Variants in SPOCK3 observed in about 807,000 individuals in gnomAD.
SPOCK3 encodes the protein SPARC (osteonectin), cwcv and kazal like domains proteoglycan 3.
Under a neutral mutation model 56.6 loss-of-function variants are expected in SPOCK3, and 30 were observed. The observed-to-expected ratio is 0.53, with a 90% CI of 0.40 to 0.72. The LOEUF is 0.72. Among genes scored for constraint, SPOCK3 ranks in the 30% least tolerant of loss-of-function variants. The probability of loss-of-function intolerance (pLI) is 0.00; values close to 1 mark genes in which losing one functional copy is unlikely to be tolerated. For synonymous variants in SPOCK3, 196 were observed against 183.3 expected, an observed-to-expected ratio of 1.07 and a Z score of -0.56; for missense variants, 527 against 530.0, an observed-to-expected ratio of 0.99 and a Z score of 0.06.
intron 4 of SPOCK3, among the ~76,000 whole-genome samples, chr4:166,941,627 C>T (rs941744205): frequency 6.6e-6 from 1 of 152,206 alleles, no homozygotes; most frequent in South Asian, 2.1e-4. Flanking sequence ...GCTAAACTCA[C>T]TGACTTCCTT....
chr4:166,982,958 G>C (rs1262130100), intron 4 of SPOCK3, among the ~76,000 whole-genome samples: 1 of 152,118 alleles, frequency 6.6e-6, no homozygotes, highest in Non-Finnish European at 1.5e-5. Context: ...TCTTTCCTGA[G>C]GTAATTGTTC....
chr4:167,181,940 C>T (rs1731496888), intron 2 of SPOCK3, among the ~76,000 whole-genome samples: 1 of 152,072 alleles, frequency 6.6e-6, no homozygotes, highest in Non-Finnish European at 1.5e-5. Flanking sequence ...TGTAGTATCC[C>T]CACCCAGCAC....
At chr4:167,101,570 C>G (rs1759647377) in intron 2 of SPOCK3, among the ~76,000 whole-genome samples, 1 of 151,440 alleles carries the variant, frequency 6.6e-6, no homozygotes, top group Admixed American at 6.6e-5. Context: ...TGTTAATTAC[C>G]AATAAGTGCT....
At chr4:166,831,111 G>A (rs114302487) in intron 6 of SPOCK3, among the ~76,000 whole-genome samples, 607 of 152,092 alleles carry the variant, frequency 4.0e-3, no homozygotes, top group South Asian at 8.1e-3. Context: ...ATTTGTTATC[G>A]TGTAGAATCT....
At chr4:166,905,494 C>T (rs192469658) in intron 5 of SPOCK3, among the ~76,000 whole-genome samples, 11 of 151,974 alleles carry the variant, frequency 7.2e-5, no homozygotes, top group Admixed American at 3.9e-4. Flanking sequence ...TTAATTAACA[C>T]GGGCTTAAGC....
intron 2 of SPOCK3, among the ~76,000 whole-genome samples, chr4:167,078,808 AC>A (rs975541838): frequency 1.3e-5 from 2 of 151,786 alleles, no homozygotes; most frequent in African/African-American, 4.8e-5. Flanking sequence ...AGGAATCCTA[AC>A]CTAAATTATT....
rs1005748659 is a variant in SPOCK3, at chr4:167,117,005, A to T, written c.190-54468T>A. ...GAGGCACTGAATTCCAGATATAGAC[A>T]AATGCTTCTTGGGACAGAAATGACC... On this transcript the variant is annotated intron_variant, in intron 2 of 10. Coordinates refer to ENST00000357545, the MANE Select transcript of SPOCK3 (RefSeq NM_001040159.2). 7.3e-5 allele frequency among the ~76,000 whole-genome samples: 11 copies of T among 149,716 alleles called. No individual in the cohort carries two copies. In the East Asian group the frequency reaches 1.4e-3, roughly 19 times the overall value.
chr4:167,050,051 A>G (rs1431112145), intron 3 of SPOCK3, among the ~76,000 whole-genome samples: 1 of 152,196 alleles, frequency 6.6e-6, no homozygotes, highest in Non-Finnish European at 1.5e-5. Flanking sequence ...GTCTTCTATA[A>G]AATACTTGAC....
rs753804718 is a variant in SPOCK3, at chr4:166,742,069, C to A, written c.932-10G>T. 6.9e-6 allele frequency: 11 copies of A among 1,605,362 alleles called. No individual in the cohort carries two copies. The Admixed American group carries it at 1.3e-4, about 20-fold the overall frequency. The stretch of plus-strand genomic sequence containing the variant: ...GTCTGGCAAGGTGGGTCTGCAATGA[C>A]ATTAAAAATGTTACTTCAAGGATTC... On this transcript the variant is annotated splice_polypyrimidine_tract_variant and intron_variant, in intron 8 of 10. Transcript: ENST00000357545.
At chr4:166,763,133 G>GAA (rs34313837) in intron 7 of SPOCK3, among the ~76,000 whole-genome samples, 7 of 145,510 alleles carry the variant, frequency 4.8e-5, no homozygotes, top group Non-Finnish European at 7.6e-5. Flanking sequence ...GCATCAAAAA[G>GAA]AAAAAAAAAA....
chr4:167,043,826 G>C (rs1202565992), intron 3 of SPOCK3, among the ~76,000 whole-genome samples: 1 of 151,614 alleles, frequency 6.6e-6, no homozygotes, highest in African/African-American at 2.4e-5. Flanking sequence ...TACATTTTTG[G>C]ACTGGATTTG....
intron 3 of SPOCK3, among the ~76,000 whole-genome samples, chr4:167,009,098 A>G (rs1230254267): frequency 2.0e-5 from 3 of 152,298 alleles, no homozygotes; most frequent in Non-Finnish European, 4.4e-5. Context: ...TTACATGATA[A>G]TCTATTTATC....
intron 6 of SPOCK3, among the ~76,000 whole-genome samples, chr4:166,824,621 T>C (rs1745271085): frequency 6.6e-6 from 1 of 152,112 alleles, no homozygotes; most frequent in Non-Finnish European, 1.5e-5. Context: ...TATACTTTTA[T>C]TGATCATTGC....
At chr4:167,156,248 C>T (rs555042688) in intron 2 of SPOCK3, among the ~76,000 whole-genome samples, 4 of 152,044 alleles carry the variant, frequency 2.6e-5, no homozygotes, top group Non-Finnish European at 5.9e-5. Flanking sequence ...ACTCTATGGG[C>T]CAGTGCAGAT....
chr4:166,797,233 CTTTTTTTTTTTT>C (rs1028695610), intron 6 of SPOCK3, among the ~76,000 whole-genome samples: 2 of 80,752 alleles, frequency 2.5e-5, no homozygotes, highest in African/African-American at 9.4e-5. Context: ...TTCCACCTTT[CTTTTTTTTTTTT>C]TTTTTTTTTG....
intron 3 of SPOCK3, among the ~76,000 whole-genome samples, chr4:167,060,352 C>T (rs947261325): frequency 2.0e-5 from 3 of 150,608 alleles, no homozygotes; most frequent in Non-Finnish European, 3.0e-5. Flanking sequence ...AAGAGTCTGT[C>T]ACCAAGAAAA....
intron 4 of SPOCK3, among the ~76,000 whole-genome samples, chr4:166,963,940 A>C (rs1744427355): frequency 6.6e-6 from 1 of 151,838 alleles, no homozygotes. Flanking sequence ...TATAGTCATA[A>C]TTATAGTCTC....
At chr4:166,969,478 T>G (rs190604945) in intron 4 of SPOCK3, among the ~76,000 whole-genome samples, 1 of 152,230 alleles carries the variant, frequency 6.6e-6, no homozygotes, top group African/African-American at 2.4e-5. Flanking sequence ...TTTCATGAGA[T>G]CTAGTTGTTT....
chr4:167,011,346 T>A (rs1000974836), intron 3 of SPOCK3: 1 of 454,744 alleles, frequency 2.2e-6, no homozygotes, highest in Admixed American at 2.4e-5. Flanking sequence ...GCCTTAAGCA[T>A]ACCTATTCAA....
Sources: gnomAD v4.1 joint callset for allele counts (sites outside exome capture counted in the v4.1 genomes callset) on GRCh38, gnomAD v4.1.1 for gene constraint, MANE v1.5 for transcripts, NCBI Gene and HGNC (gene_info 2026-07-23, HGNC 2026-07-21) for gene names.